The following FHIT variants were observed in gnomAD, a reference collection of about 807,000 sequenced individuals.
The protein encoded by FHIT is bis(5'-adenosyl)-triphosphatase.
Under a neutral mutation model 17.9 loss-of-function variants are expected in FHIT, and 19 were observed. The ratio of observed to expected loss-of-function variants is 1.06; its 90% confidence interval spans 0.74 to 1.56. The LOEUF (loss-of-function observed/expected upper bound fraction) is 1.56, where lower values mean the gene tolerates loss of function less well. FHIT is among the 40% of genes most tolerant of loss of function. FHIT has a pLI of 0.00. For synonymous variants in FHIT, 81 were observed against 69.7 expected, an observed-to-expected ratio of 1.16 and a Z score of -0.81; for missense variants, 248 against 189.2, an observed-to-expected ratio of 1.31 and a Z score of -1.82.
rs574967190 is a variant in FHIT at position 59,985,526 on chromosome 3, A to G, written c.279+25845T>C. On this transcript the variant is annotated intron_variant, in intron 7 of 9. Coordinates refer to ENST00000492590, the MANE Select transcript of FHIT (RefSeq NM_002012.4). Reference sequence around the variant, plus strand: ...CATTGAATCTTGAACATCTATGTACATAATTTAGAATTTGCTAAAAGGTAA... The same window carrying G: ...CATTGAATCTTGAACATCTATGTACGTAATTTAGAATTTGCTAAAAGGTAA... Among the ~76,000 whole-genome samples the G allele has an allele frequency of 1.3e-4, 20 of 152,314 alleles. No individual in the cohort carries two copies. In the South Asian group the frequency reaches 4.1e-3, roughly 32 times the overall value.
At position 60,907,687 on chromosome 3, in the gene FHIT, A is replaced by AG. The variant is rs1299415897; in HGVS notation, c.-110-85677dup. 5.3e-5 allele frequency among the ~76,000 whole-genome samples: 8 copies of AG among 152,298 alleles called. No individual in the cohort carries two copies. The East Asian group carries it at 9.7e-4, about 18-fold the overall frequency. ...GATTTTTTAAAGTATAATAAATGAG[A>AG]GAAAAAAAGCCAATGAACAATTACA... On this transcript the variant is annotated intron_variant, in intron 3 of 9. Transcript: ENST00000492590.
intron 5 of FHIT, among the ~76,000 whole-genome samples, chr3:60,356,753 CAAAAAAAAAAAAAAAAA>C (rs57588436): frequency 1.7e-5 from 1 of 58,680 alleles, no homozygotes; most frequent in Admixed American, 2.0e-4. Flanking sequence ...AAGACAGAGA[CAAAAAAAAAAAAAAAAA>C]AAAAAAAAAA....
chr3:60,404,902 G>A (rs1272297932), intron 5 of FHIT, among the ~76,000 whole-genome samples: 1 of 152,160 alleles, frequency 6.6e-6, no homozygotes, highest in Non-Finnish European at 1.5e-5. Flanking sequence ...AGCAATACAG[G>A]AATTCAGTTT....
At chr3:61,144,973 C>A (rs1187673385) in intron 2 of FHIT, among the ~76,000 whole-genome samples, 3 of 152,150 alleles carry the variant, frequency 2.0e-5, no homozygotes, top group Non-Finnish European at 2.9e-5. Flanking sequence ...GCAAAATTTT[C>A]TCCCATCTTT....
At chr3:60,030,803 G>C (rs1294750855) in intron 5 of FHIT, among the ~76,000 whole-genome samples, 8 of 152,104 alleles carry the variant, frequency 5.3e-5, no homozygotes, top group African/African-American at 1.7e-4. Context: ...ATGACTATTA[G>C]AACGAATGAC....
chr3:60,543,695 C>T (rs2036259532), intron 4 of FHIT, among the ~76,000 whole-genome samples: 2 of 152,090 alleles, frequency 1.3e-5, no homozygotes, highest in Non-Finnish European at 1.5e-5. Context: ...GGCAATCTAG[C>T]TGAACTCTTG....
At chr3:61,207,209 G>A (rs2039269835) in intron 1 of FHIT, among the ~76,000 whole-genome samples, 1 of 152,138 alleles carries the variant, frequency 6.6e-6, no homozygotes, top group African/African-American at 2.4e-5. Flanking sequence ...TGTGCTGCTG[G>A]ATTCGGTTTG....
At chr3:60,204,938 CAA>C (rs1261342233) in intron 5 of FHIT, among the ~76,000 whole-genome samples, 1 of 151,562 alleles carries the variant, frequency 6.6e-6, no homozygotes, top group East Asian at 1.9e-4. Context: ...CCAAAAAAAA[CAA>C]AAAAATCTGG....
At chr3:61,205,217 A>G (rs1375632653) in intron 1 of FHIT, among the ~76,000 whole-genome samples, 5 of 151,770 alleles carry the variant, frequency 3.3e-5, no homozygotes, top group East Asian at 1.9e-4. Flanking sequence ...AATCCAGTCT[A>G]TCATTGTTGG....
intron 5 of FHIT, among the ~76,000 whole-genome samples, chr3:60,072,506 A>T (rs936090086): frequency 1.3e-5 from 2 of 152,208 alleles, no homozygotes; most frequent in Admixed American, 6.5e-5. Context: ...GAGCCTGTGC[A>T]TGCTTACTTA....
chr3:59,920,686 C>A (rs1705359689), intron 8 of FHIT, among the ~76,000 whole-genome samples: 1 of 152,176 alleles, frequency 6.6e-6, no homozygotes, highest in Admixed American at 6.5e-5. Context: ...CTAATTTATT[C>A]ATTAAAACAG....
chr3:60,998,408 C>T (rs570592918), intron 3 of FHIT, among the ~76,000 whole-genome samples: 2 of 152,340 alleles, frequency 1.3e-5, no homozygotes, highest in African/African-American at 4.8e-5. Flanking sequence ...TTTGAGGACG[C>T]ACTTTCTCAT....
chr3:60,063,197 T>C (rs1702363627), intron 5 of FHIT, among the ~76,000 whole-genome samples: 2 of 152,148 alleles, frequency 1.3e-5, no homozygotes, highest in African/African-American at 4.8e-5. Context: ...AATTGGTAGT[T>C]TGAGTACATT....
intron 8 of FHIT, among the ~76,000 whole-genome samples, chr3:59,861,314 C>T (rs1702394731): frequency 6.6e-6 from 1 of 152,136 alleles, no homozygotes; most frequent in South Asian, 2.1e-4. Flanking sequence ...GTGGAATAGG[C>T]AGCACTGGCA....
chr3:61,173,548 C>A (rs904809082), intron 2 of FHIT, among the ~76,000 whole-genome samples: 1 of 152,174 alleles, frequency 6.6e-6, no homozygotes, highest in African/African-American at 2.4e-5. Flanking sequence ...TATACATATA[C>A]AGTCCATCAA....
chr3:60,949,149 C>T (rs1345955836), intron 3 of FHIT, among the ~76,000 whole-genome samples: 6 of 152,116 alleles, frequency 3.9e-5, no homozygotes, highest in African/African-American at 1.4e-4. Flanking sequence ...GAACTCTCTG[C>T]CCTATTCTTG....
chr3:60,096,760 T>C (rs1158597055), intron 5 of FHIT, among the ~76,000 whole-genome samples: 2 of 152,098 alleles, frequency 1.3e-5, no homozygotes, highest in African/African-American at 4.8e-5. Flanking sequence ...AACTGCTGGC[T>C]AAATACAGAG....
At chr3:60,820,980 AT>A (rs1305147404) in intron 4 of FHIT, among the ~76,000 whole-genome samples, 3 of 150,996 alleles carry the variant, frequency 2.0e-5, no homozygotes, top group African/African-American at 7.3e-5. Flanking sequence ...TATTATTATT[AT>A]TATGGGGTTT....
intron 5 of FHIT, among the ~76,000 whole-genome samples, chr3:60,137,724 G>A (rs940919546): frequency 9.5e-5 from 14 of 146,802 alleles, no homozygotes; most frequent in Non-Finnish European, 1.9e-4. Context: ...CACACAGTCA[G>A]TATCACTTCA....
Sources: allele counts gnomAD v4.1 joint callset (sites outside exome capture counted in the v4.1 genomes callset), GRCh38; gene constraint gnomAD v4.1.1; transcripts MANE v1.5; gene names NCBI Gene and HGNC (gene_info 2026-07-23, HGNC 2026-07-21).